The following WDR37 variants were observed in gnomAD, a reference collection of about 807,000 sequenced individuals.
WDR37 encodes WD repeat domain 37.
Under a neutral mutation model 62.9 loss-of-function variants are expected in WDR37, and 19 were observed. The observed-to-expected ratio is 0.30, with a 90% confidence interval of 0.21 to 0.44. The LOEUF is 0.44. WDR37 is among the 20% of genes least tolerant of loss of function. WDR37 has a pLI of 1.00. For missense variants in WDR37, 474 were observed against 657.6 expected, an observed-to-expected ratio of 0.72 and a Z score of 3.05; for synonymous variants, 250 against 260.9, an observed-to-expected ratio of 0.96 and a Z score of 0.40.
At chr10:1,086,912 G>A (rs2279256) in intron 7 of WDR37, among the ~76,000 whole-genome samples, 13,700 of 152,216 alleles carry the variant, frequency 0.09, 671 homozygotes, top group African/African-American at 0.14. Context: ...CCTCTCGCAC[G>A]TGCTGTGTGG....
intron 7 of WDR37, 134 bp from the exon 8 acceptor site, chr10:1,093,318 A>T (rs1834463440): frequency 1.4e-6 from 1 of 699,426 alleles, no homozygotes; most frequent in Non-Finnish European, 2.4e-6. Flanking sequence ...TTTATAACTT[A>T]ACTGAGTGGA....
At chr10:1,124,132 C>T (rs1349784516) in intron 11 of WDR37, 86 bp from the exon 12 acceptor site, 4 of 1,576,280 alleles carry the variant, frequency 2.5e-6, no homozygotes, top group Non-Finnish European at 2.6e-6. Flanking sequence ...ACCTCCTTCC[C>T]ACCCACTTGG....
At chr10:1,093,364 G>T in intron 7 of WDR37, 88 bp from the exon 8 acceptor site, 1 of 1,037,692 alleles carries the variant, frequency 9.6e-7, no homozygotes, top group Non-Finnish European at 1.4e-6. Context: ...TTTTAATGTT[G>T]ACTTTGAAAT....
intron 7 of WDR37, among the ~76,000 whole-genome samples, chr10:1,088,021 G>T (rs192618997): frequency 2.0e-5 from 3 of 152,274 alleles, no homozygotes; most frequent in Admixed American, 2.0e-4. Context: ...GTACTTTTAT[G>T]TTGTGGAGAC....
At chr10:1,062,342 G>T (rs1483109919) in intron 1 of WDR37, among the ~76,000 whole-genome samples, 4 of 152,202 alleles carry the variant, frequency 2.6e-5, no homozygotes, top group African/African-American at 9.7e-5. Flanking sequence ...GATAAAATCA[G>T]TGATCCAAAA....
chr10:1,082,017 A>G (rs749157027), intron 5 of WDR37, among the ~76,000 whole-genome samples: 1 of 152,250 alleles, frequency 6.6e-6, no homozygotes, highest in Non-Finnish European at 1.5e-5. Context: ...TAGGTACTAG[A>G]AATTCATCTG....
chr10:1,107,382 G>A (rs1835058763), intron 11 of WDR37, among the ~76,000 whole-genome samples: 1 of 152,374 alleles, frequency 6.6e-6, no homozygotes, highest in South Asian at 2.1e-4. Flanking sequence ...AGGCCTAGAG[G>A]ACGGGAGGAG....
chr10:1,124,520 CTT>C (rs1488849226), intron 12 of WDR37, among the ~76,000 whole-genome samples, 168 bp downstream of exon 12: 1 of 152,170 alleles, frequency 6.6e-6, no homozygotes, highest in Non-Finnish European at 1.5e-5. Context: ...CTTAAACTAA[CTT>C]AGCCTAAAAC....
In WDR37 at chr10:1,128,328, G is replaced by A. The variant is rs534293320; in HGVS notation, c.1354-885G>A. ...TTAGAAAATGCAGATGGGTGCTAAGGCACTGCTTACAGATATTCTAAGTGT... is the reference window on the plus strand; with the variant it reads ...TTAGAAAATGCAGATGGGTGCTAAGACACTGCTTACAGATATTCTAAGTGT... On this transcript the variant is annotated intron_variant, in intron 13 of 13. Coordinates refer to ENST00000263150, the MANE Select transcript of WDR37 (RefSeq NM_014023.4). Among the ~76,000 whole-genome samples, 5 of 152,310 alleles carry A rather than the reference G, an allele frequency of 3.3e-5. No individual in the cohort carries two copies. The East Asian group carries it at 9.6e-4, about 29-fold the overall frequency.
At chr10:1,119,307 G>A (rs1835500729) in intron 11 of WDR37, among the ~76,000 whole-genome samples, 1 of 152,136 alleles carries the variant, frequency 6.6e-6, no homozygotes, top group Admixed American at 6.5e-5. Context: ...TCTGTAATGG[G>A]TCTTCTTTCT....
intron 7 of WDR37, among the ~76,000 whole-genome samples, chr10:1,092,429 C>T (rs1368373746): frequency 6.6e-6 from 1 of 151,158 alleles, no homozygotes; most frequent in African/African-American, 2.4e-5. Flanking sequence ...TGCAGTGGCT[C>T]GCGGATCTTG....
chr10:1,081,226 A>T (rs1189517908), intron 5 of WDR37, among the ~76,000 whole-genome samples: 3 of 152,200 alleles, frequency 2.0e-5, no homozygotes, highest in African/African-American at 7.2e-5. Context: ...GTATTTTCTT[A>T]AAGTATCTCG....
intron 8 of WDR37, 32 bp downstream of exon 8, chr10:1,093,528 T>C (rs1210427254): frequency 1.3e-6 from 2 of 1,546,406 alleles, no homozygotes; most frequent in Non-Finnish European, 1.8e-6. Flanking sequence ...TTGAACAAAA[T>C]GATAGATGGT....
intron 13 of WDR37, among the ~76,000 whole-genome samples, chr10:1,125,325 C>G (rs1011402566): frequency 1.3e-5 from 2 of 152,014 alleles, no homozygotes; most frequent in Admixed American, 1.3e-4. Context: ...AATTCTTCTG[C>G]CTCAGCCTCA....
Position 1,112,071 on chromosome 10 carries a change from C to T in WDR37, c.1103+6804C>T, listed in dbSNP as rs112417884. Among the ~76,000 whole-genome samples, 322 of 152,240 alleles carry T rather than the reference C, an allele frequency of 2.1e-3. 3 individuals are homozygous for T. The highest frequency in any genetic ancestry group is 6.0e-3 in the African/African-American group (250 of 41,546). ...CACGTGCCTTGGTGGCTATTTCTTA[C>T]ACCTTGTTTGATTGCACTCCGTAGA... On this transcript the variant is annotated intron_variant, in intron 11 of 13. Transcript: ENST00000263150.
intron 3 of WDR37, 34 bp downstream of exon 3, chr10:1,078,037 C>A: frequency 6.7e-7 from 1 of 1,485,102 alleles, no homozygotes; most frequent in Admixed American, 1.8e-5. Flanking sequence ...ACTTTTATAG[C>A]TTTACCTATC....
chr10:1,060,103 G>T (rs977983376), intron 1 of WDR37, among the ~76,000 whole-genome samples: 4 of 152,214 alleles, frequency 2.6e-5, no homozygotes, highest in African/African-American at 9.7e-5. Context: ...CCTCCCAAAA[G>T]GCTGGGATTA....
chr10:1,105,952 G>GT lies in WDR37; in HGVS notation c.1103+691dup, dbSNP rs1279668339. 2.0e-5 allele frequency among the ~76,000 whole-genome samples: 3 copies of GT among 151,944 alleles called. No homozygotes were observed. Among genetic ancestry groups the GT allele is most frequent in the South Asian group, 4.2e-4 (2 of 4,806 alleles). ...AGGCACCTGCCACCACGCCTGGCTA[G>GT]TTTTTTGTATTTTTAGTAGAGATGG... On this transcript the variant is annotated intron_variant, in intron 11 of 13. Coordinates refer to ENST00000263150, the MANE Select transcript of WDR37 (RefSeq NM_014023.4). The surrounding 1 kb of genome is among the most constrained non-coding windows in gnomAD (Gnocchi z 5.3).
At position 1,103,483 on chromosome 10, in the gene WDR37, C is replaced by A. The variant is rs1834891725; in HGVS notation, c.727-119C>A. On this transcript the variant is annotated intron_variant, in intron 9 of 13. Transcript: ENST00000263150. The surrounding 1 kb of genome is among the most constrained non-coding windows in gnomAD (Gnocchi z 6.3). ...CCAGCACCAGGCTCCTAGTGGTGAC[C>A]ATCATGATGGATATGTCCTCAAGAG... 4.6e-6 allele frequency: 5 copies of A among 1,078,036 alleles called. 1 individual carries two copies. In the South Asian group the frequency reaches 7.6e-5, roughly 16 times the overall value. The allele number at this position is 1,078,036 out of a possible 1,614,324, so 66.8% of individuals were successfully genotyped here. A position where few individuals can be genotyped will look rare whatever the true frequency, so the allele number is the denominator to read the frequency against.
Sources: gnomAD v4.1 joint callset for allele counts (sites outside exome capture counted in the v4.1 genomes callset) on GRCh38, gnomAD v4.1.1 for gene constraint, Gnocchi (gnomAD v3.1) non-coding constraint, MANE v1.5 for transcripts, NCBI Gene and HGNC (gene_info 2026-07-23, HGNC 2026-07-21) for gene names.